The following MGST1 variants were observed in gnomAD, a reference collection of about 807,000 sequenced individuals.
The protein encoded by MGST1 is glutathione S-transferase 12.
MGST1 carries 5 observed loss-of-function variants against 8.9 expected under a neutral mutation model. The observed-to-expected ratio is 0.56, with a 90% confidence interval of 0.29 to 1.19. The LOEUF is 1.19. Among genes scored for constraint, MGST1 ranks in the 50% most tolerant of loss-of-function variants. MGST1 has a pLI of 0.08. For synonymous variants in MGST1, 54 were observed against 67.8 expected (o/e 0.80, Z 1.00); for missense variants, 182 against 187.4 (o/e 0.97, Z 0.17).
intron 1 of MGST1, among the ~76,000 whole-genome samples, chr12:16,420,705 G>C (rs1261714974): frequency 2.0e-5 from 3 of 152,148 alleles, no homozygotes; most frequent in African/African-American, 7.2e-5. Flanking sequence ...ATGGGGAGCT[G>C]TCTATAGGAA....
intron 4 of MGST1, among the ~76,000 whole-genome samples, chr12:16,499,969 G>T (rs903411384): frequency 3.3e-5 from 5 of 152,058 alleles, no homozygotes; most frequent in Non-Finnish European, 5.9e-5. Context: ...AAGGTACAAT[G>T]AGATGAAAAA....
intron 4 of MGST1, among the ~76,000 whole-genome samples, chr12:16,541,205 C>G (rs544070839): frequency 2.2e-4 from 34 of 152,148 alleles, no homozygotes; most frequent in South Asian, 1.2e-3. Flanking sequence ...TTAGTAAATA[C>G]AATTGAGTAA....
In MGST1 at chr12:16,363,730, G is replaced by A; in HGVS notation, c.222-65G>A. ...GCTCAGATTTAGTTTTTAGAAGAGA[G>A]AGAAAAAAGGATACATATCTAGTAT... On this transcript the variant is annotated intron_variant, in intron 3 of 3. Coordinates refer to ENST00000396210, the MANE Select transcript of MGST1 (RefSeq NM_020300.5). The surrounding 1 kb of genome is among the most constrained non-coding windows in gnomAD (Gnocchi z 4.6). 2 of 1,339,438 alleles carry A rather than the reference G, an allele frequency of 1.5e-6. No homozygotes were observed. The allele number at this position is 1,339,438 out of a possible 1,614,324, so 83.0% of individuals were successfully genotyped here.
rs559989642 is a variant in MGST1 at position 16,376,805 on chromosome 12, T to A, written c.*641T>A. ...TGTTTTTAAAGAAATACCTCTGAAA[T>A]ACAGATGATATAATATCATCTGTAT... On this transcript the variant is annotated 3_prime_UTR_variant, in exon 4 of 4. Transcript: ENST00000535309. 5 of 152,170 alleles carry A rather than the reference T, an allele frequency of 3.3e-5. No individual in the cohort carries two copies. The South Asian group carries it at 8.3e-4, about 25-fold the overall frequency. 9.4% of individuals were successfully genotyped at this position (152,170 alleles called of 1,614,324 possible).
chr12:16,379,755 C>T (rs1472065193), downstream of MGST1, among the ~76,000 whole-genome samples: 2 of 152,104 alleles, frequency 1.3e-5, no homozygotes, highest in Admixed American at 6.5e-5. Context: ...TGGTAGAATT[C>T]GGCTGTGGAT....
intron 1 of MGST1, among the ~76,000 whole-genome samples, chr12:16,350,527 C>T (rs1939412610): frequency 6.6e-6 from 1 of 152,190 alleles, no homozygotes; most frequent in African/African-American, 2.4e-5. Context: ...CTTCTCCCTC[C>T]TGACAACCTT....
chr12:16,388,132 G>T (rs1030085634), intron 1 of MGST1, among the ~76,000 whole-genome samples: 2 of 150,542 alleles, frequency 1.3e-5, no homozygotes, highest in African/African-American at 4.9e-5. Context: ...AGTAATTGCG[G>T]TTTTTGCCAT....
rs1410149870 is a variant in MGST1, at chr12:16,547,950, A to G, written n.483-41578A>G. On this transcript the variant is annotated intron_variant and non_coding_transcript_variant, in intron 4 of 4. Transcript: ENST00000538857. This position sits in a 1 kb window ranked among gnomAD's most constrained non-coding sequence, Gnocchi z 4.6. Reference sequence around the variant, plus strand: ...TTGCATGGCATGTTTTACTACAGATATAATTTTCAGTGCCCTGTTTCAGTT... The same window carrying G: ...TTGCATGGCATGTTTTACTACAGATGTAATTTTCAGTGCCCTGTTTCAGTT... Among the ~76,000 whole-genome samples, 2 of 152,192 alleles carry G rather than the reference A, an allele frequency of 1.3e-5. No individual in the cohort carries two copies. The highest frequency in any genetic ancestry group is 4.8e-5 in the African/African-American group (2 of 41,454).
chr12:16,383,102 G>A (rs1251706907), exon 1 of MGST1: 1 of 152,518 alleles, frequency 6.6e-6, no homozygotes, highest in Non-Finnish European at 1.5e-5. Context: ...CCTGGGTGAG[G>A]CGATGCCTCG....
At chr12:16,379,111 C>T (rs1273193180), downstream of MGST1, among the ~76,000 whole-genome samples, 3 of 152,098 alleles carry the variant, frequency 2.0e-5, no homozygotes, top group African/African-American at 4.8e-5. Context: ...AATTTGACTT[C>T]CTCTTTTCCT....
chr12:16,467,622 C>T (rs965061288), intron 4 of MGST1, among the ~76,000 whole-genome samples: 2 of 152,154 alleles, frequency 1.3e-5, no homozygotes, highest in African/African-American at 4.8e-5. Context: ...GTTCATAGAA[C>T]TCATTAATAC....
intron 4 of MGST1, among the ~76,000 whole-genome samples, chr12:16,521,658 A>G (rs1326422950): frequency 6.6e-6 from 1 of 152,150 alleles, no homozygotes; most frequent in Non-Finnish European, 1.5e-5. Context: ...CTCTCACTTC[A>G]TTGCAATATA....
rs998420131 is a variant in MGST1 at position 16,503,090 on chromosome 12, C to T, written n.483-86438C>T. On this transcript the variant is annotated intron_variant and non_coding_transcript_variant, in intron 4 of 4. Transcript: ENST00000538857. The surrounding 1 kb of genome is among the most constrained non-coding windows in gnomAD (Gnocchi z 4.8). ...TGGAAGATGCAGGGTGAGGTTTCAG[C>T]GGATGGTGTTAAGAATGAAGAAGGA... Among the ~76,000 whole-genome samples, 3 of 151,978 alleles carry T rather than the reference C, an allele frequency of 2.0e-5. No individual in the cohort carries two copies. The East Asian group carries it at 5.8e-4, about 29-fold the overall frequency.
rs1374769118 is a variant in MGST1, at chr12:16,513,951, C to G, written n.483-75577C>G. 1.9e-6 allele frequency: 1 copy of G among 524,328 alleles called. No homozygotes were observed. 32.5% of individuals were successfully genotyped at this position (524,328 alleles called of 1,614,324 possible). A position where few individuals can be genotyped will look rare whatever the true frequency, so the allele number is the denominator to read the frequency against. On this transcript the variant is annotated intron_variant and non_coding_transcript_variant, in intron 4 of 4. Transcript: ENST00000538857. This position sits in a 1 kb window ranked among gnomAD's most constrained non-coding sequence, Gnocchi z 4.2. ...ATGACCGCAAGACTTGCGGTTTTGACTTCACAGACACTGTGGAGGACATTT... is the reference window on the plus strand; with the variant it reads ...ATGACCGCAAGACTTGCGGTTTTGAGTTCACAGACACTGTGGAGGACATTT...
At chr12:16,386,100 G>C (rs574752611) in intron 1 of MGST1, among the ~76,000 whole-genome samples, 2 of 152,128 alleles carry the variant, frequency 1.3e-5, no homozygotes, top group Non-Finnish European at 2.9e-5. Flanking sequence ...TTTGCCTTCG[G>C]AGGCAGTGAC....
intron 1 of MGST1, chr12:16,402,293 T>G (rs1300951843): frequency 6.3e-7 from 1 of 1,592,560 alleles, no homozygotes; most frequent in Non-Finnish European, 8.6e-7. Context: ...AATAAACAAT[T>G]TCTTCATCAA....
intron 1 of MGST1, among the ~76,000 whole-genome samples, chr12:16,403,466 AAAG>A (rs1940676329): frequency 6.6e-6 from 1 of 152,094 alleles, no homozygotes; most frequent in Non-Finnish European, 1.5e-5. Flanking sequence ...GTGTATTTGA[AAAG>A]AAGGTGTGTT....
intron 1 of MGST1, among the ~76,000 whole-genome samples, chr12:16,349,743 CTTTTT>C (rs760899357): frequency 1.6e-5 from 2 of 127,398 alleles, no homozygotes. Context: ...CCCAGAGCTT[CTTTTT>C]TTTTTTTTTT....
At chr12:16,354,843 G>A (rs1385795925) in intron 2 of MGST1, 1 of 152,210 alleles carries the variant, frequency 6.6e-6, no homozygotes, top group Non-Finnish European at 1.5e-5. Flanking sequence ...TACTTTCAAA[G>A]TGAGCCTCAT....
Sources: allele counts gnomAD v4.1 joint callset (sites outside exome capture counted in the v4.1 genomes callset), GRCh38; gene constraint gnomAD v4.1.1; non-coding constraint Gnocchi (gnomAD v3.1); transcripts MANE v1.5; gene names NCBI Gene and HGNC (gene_info 2026-07-23, HGNC 2026-07-21).